The following ST6GAL1 variants were observed in gnomAD, a reference collection of about 807,000 sequenced individuals.
The protein encoded by ST6GAL1 is ST6 beta-galactoside alpha-2,6-sialyltransferase 1.
A neutral mutation model predicts 38.0 loss-of-function variants in ST6GAL1; 20 were observed. The observed-to-expected ratio is 0.53, with a 90% CI of 0.37 to 0.77. The LOEUF is 0.77. ST6GAL1 is among the 30% of genes least tolerant of loss of function. The probability of loss-of-function intolerance (pLI) is 0.00; values close to 1 mark genes in which losing one functional copy is unlikely to be tolerated. For missense variants in ST6GAL1, 432 were observed against 496.4 expected, an observed-to-expected ratio of 0.87 and a Z score of 1.23; for synonymous variants, 196 against 188.2, an observed-to-expected ratio of 1.04 and a Z score of -0.34.
At chr3:186,994,255 G>A (rs1227682526) in intron 2 of ST6GAL1, among the ~76,000 whole-genome samples, 1 of 152,226 alleles carries the variant, frequency 6.6e-6, no homozygotes, top group Non-Finnish European at 1.5e-5. Context: ...CAGGTGGGGA[G>A]ACATGAATTC....
At chr3:186,966,189 C>G (rs1055036968) in intron 2 of ST6GAL1, among the ~76,000 whole-genome samples, 1 of 152,142 alleles carries the variant, frequency 6.6e-6, no homozygotes, top group Admixed American at 6.5e-5. Flanking sequence ...TGTGAGCCAT[C>G]GTGCCCGACC....
chr3:187,031,325 C>G (rs2108572485), intron 2 of ST6GAL1, among the ~76,000 whole-genome samples: 1 of 152,290 alleles, frequency 6.6e-6, no homozygotes, highest in African/African-American at 2.4e-5. Flanking sequence ...TCTACTTAAT[C>G]TGGGCAAATT....
intron 5 of ST6GAL1, among the ~76,000 whole-genome samples, chr3:187,058,462 TTAAC>T (rs1718796595): frequency 6.6e-6 from 1 of 152,200 alleles, no homozygotes; most frequent in Non-Finnish European, 1.5e-5. Flanking sequence ...ATTGAGGAAC[TTAAC>T]TTATTTGTAA....
chr3:187,023,702 A>G (rs1187961320), intron 2 of ST6GAL1, among the ~76,000 whole-genome samples: 1 of 151,986 alleles, frequency 6.6e-6, no homozygotes, highest in Non-Finnish European at 1.5e-5. Context: ...ACATGGACAC[A>G]GGAAGGGGAA....
chr3:187,055,189 TTTC>T (rs1718651817), intron 5 of ST6GAL1, among the ~76,000 whole-genome samples: 1 of 152,088 alleles, frequency 6.6e-6, no homozygotes, highest in Non-Finnish European at 1.5e-5. Flanking sequence ...TCTTCTCTCT[TTTC>T]TTCTTTATTA....
chr3:186,997,951 A>G (rs1447071494), intron 2 of ST6GAL1, among the ~76,000 whole-genome samples: 4 of 152,138 alleles, frequency 2.6e-5, no homozygotes, highest in Non-Finnish European at 5.9e-5. Flanking sequence ...AGACACATTA[A>G]AAAAGCAAAA....
At chr3:186,978,736 T>C (rs1215202193) in intron 2 of ST6GAL1, among the ~76,000 whole-genome samples, 3 of 152,166 alleles carry the variant, frequency 2.0e-5, no homozygotes, top group African/African-American at 7.2e-5. Context: ...GCAGGATAAA[T>C]TGGGACTAGA....
chr3:187,038,015 T>C (rs1717989228), intron 2 of ST6GAL1, among the ~76,000 whole-genome samples: 1 of 152,010 alleles, frequency 6.6e-6, no homozygotes, highest in South Asian at 2.1e-4. Flanking sequence ...TTTCACATAT[T>C]ATTAAATATT....
chr3:186,948,514 G>A (rs1037712839), intron 1 of ST6GAL1, among the ~76,000 whole-genome samples: 1 of 150,736 alleles, frequency 6.6e-6, no homozygotes, highest in Non-Finnish European at 1.5e-5. Context: ...TGCTCTTGGG[G>A]GTTCAGAAAC....
chr3:186,979,590 T>C (rs1018017777), intron 2 of ST6GAL1, among the ~76,000 whole-genome samples: 1 of 152,160 alleles, frequency 6.6e-6, no homozygotes, highest in Non-Finnish European at 1.5e-5. Context: ...TAATACATAG[T>C]GCTCGGGGGC....
intron 2 of ST6GAL1, among the ~76,000 whole-genome samples, chr3:187,011,835 C>G (rs1258089343): frequency 6.6e-6 from 1 of 152,160 alleles, no homozygotes; most frequent in Non-Finnish European, 1.5e-5. Flanking sequence ...ATTGGGTCAT[C>G]TTAGGGAACT....
chr3:186,941,681 A>G (rs532049311), intron 1 of ST6GAL1, among the ~76,000 whole-genome samples: 2 of 152,236 alleles, frequency 1.3e-5, no homozygotes, highest in South Asian at 2.1e-4. Flanking sequence ...GCTGTGTTAC[A>G]AGGAAGCCAC....
At chr3:187,057,168 C>T (rs929213274) in intron 5 of ST6GAL1, among the ~76,000 whole-genome samples, 7 of 152,116 alleles carry the variant, frequency 4.6e-5, no homozygotes, top group African/African-American at 1.4e-4. Flanking sequence ...CATTTAAGGT[C>T]TTCTCTATAC....
At chr3:187,022,422 T>C (rs189809548) in intron 2 of ST6GAL1, among the ~76,000 whole-genome samples, 3 of 152,292 alleles carry the variant, frequency 2.0e-5, no homozygotes, top group Non-Finnish European at 2.9e-5. Context: ...TTAGGGATTC[T>C]TTAGCTAACA....
Position 186,964,837 on chromosome 3 carries a change from TGG to T in ST6GAL1, c.-183+914_-183+915del, listed in dbSNP as rs990938138. Among the ~76,000 whole-genome samples, 6 of 152,316 alleles carry T rather than the reference TGG, an allele frequency of 3.9e-5. No homozygotes were observed. The South Asian group carries it at 1.0e-3, about 26-fold the overall frequency. On this transcript the variant is annotated intron_variant, in intron 2 of 7. Transcript: ENST00000169298. ...TCAGGGCTTACCCTACCCCAGGCTG[TGG>T]GGCATCCGGCAAATCACCTCCCCTA...
At chr3:186,946,384 A>G (rs1330089117) in intron 1 of ST6GAL1, among the ~76,000 whole-genome samples, 1 of 136,154 alleles carries the variant, frequency 7.3e-6, no homozygotes, top group Non-Finnish European at 1.5e-5. Flanking sequence ...TAAAAAACTT[A>G]TTATTATTAT....
At chr3:186,954,824 CTTTAG>C (rs1172291484) in intron 1 of ST6GAL1, among the ~76,000 whole-genome samples, 1 of 152,098 alleles carries the variant, frequency 6.6e-6, no homozygotes, top group Non-Finnish European at 1.5e-5. Context: ...TGCAGAAGCT[CTTTAG>C]TTTAATCAGA....
At chr3:187,062,524 C>T (rs1718954003) in intron 5 of ST6GAL1, among the ~76,000 whole-genome samples, 1 of 150,662 alleles carries the variant, frequency 6.6e-6, no homozygotes, top group South Asian at 2.1e-4. Context: ...CCGAGATTGG[C>T]TACAACATGG....
At chr3:187,066,012 G>A (rs546626563) in intron 5 of ST6GAL1, among the ~76,000 whole-genome samples, 1 of 152,144 alleles carries the variant, frequency 6.6e-6, no homozygotes, top group Non-Finnish European at 1.5e-5. Context: ...AATCACCAAA[G>A]CTTTCTGGAA....
Sources: allele counts gnomAD v4.1 joint callset (sites outside exome capture counted in the v4.1 genomes callset), GRCh38; gene constraint gnomAD v4.1.1; transcripts MANE v1.5; gene names NCBI Gene and HGNC (gene_info 2026-07-23, HGNC 2026-07-21).